Variants in GLG1 observed in about 807,000 individuals in gnomAD.
GLG1 encodes the protein Golgi apparatus protein 1.
Under a neutral mutation model 160.5 loss-of-function variants are expected in GLG1, and 38 were observed. The ratio of observed to expected loss-of-function variants is 0.24; its 90% CI spans 0.18 to 0.31. The LOEUF is 0.31. Among genes scored for constraint, GLG1 ranks in the 10% least tolerant of loss-of-function variants. The pLI is 1.00. For missense variants in GLG1, 1,373 were observed against 1,505.2 expected (o/e 0.91, Z 1.45); for synonymous variants, 644 against 543.4 (o/e 1.19, Z -2.57).
intron 7 of GLG1, 76 bp downstream of exon 7, chr16:74,492,881 T>G: frequency 2.5e-6 from 2 of 787,122 alleles, no homozygotes; most frequent in Non-Finnish European, 3.7e-6. Context: ...AAACTAACGT[T>G]TATATATATA....
At position 74,604,762 on chromosome 16, in the gene GLG1, G is replaced by T. The variant is rs9929763; in HGVS notation, c.438+1895C>A. On this transcript the variant is annotated intron_variant, in intron 1 of 25. Coordinates refer to ENST00000422840, the MANE Select transcript of GLG1 (RefSeq NM_001145667.2). ...TCCTTTCGCTGTCTTTAAAGAAAAAGAAAATAGGGTGGGGGTGGTGGCTCA... is the reference window on the plus strand; with the variant it reads ...TCCTTTCGCTGTCTTTAAAGAAAAATAAAATAGGGTGGGGGTGGTGGCTCA... Among the ~76,000 whole-genome samples, 1,354 of 152,046 alleles carry T rather than the reference G, an allele frequency of 8.9e-3. 13 individuals are homozygous for T. Among genetic ancestry groups the T allele is most frequent in the African/African-American group, 0.03 (1,234 of 41,488 alleles).
intron 1 of GLG1, among the ~76,000 whole-genome samples, chr16:74,538,440 C>CG (rs1161896492): frequency 9.2e-5 from 14 of 152,160 alleles, no homozygotes; most frequent in Admixed American, 3.3e-4. Flanking sequence ...CTTTTACCCC[C>CG]GGGAAACTCT....
At chr16:74,503,293 A>C (rs750704753) in intron 4 of GLG1, among the ~76,000 whole-genome samples, 16 of 152,108 alleles carry the variant, frequency 1.1e-4, no homozygotes, top group Non-Finnish European at 2.2e-4. Flanking sequence ...TTGTGAAGAT[A>C]ACACCACTCT....
chr16:74,490,218 A>T (rs2015933646), intron 8 of GLG1, among the ~76,000 whole-genome samples: 1 of 152,188 alleles, frequency 6.6e-6, no homozygotes, highest in Non-Finnish European at 1.5e-5. Flanking sequence ...GATGTACTAA[A>T]TCTCTAATAC....
chr16:74,543,660 G>C (rs949316690), intron 1 of GLG1, among the ~76,000 whole-genome samples: 2 of 152,074 alleles, frequency 1.3e-5, no homozygotes, highest in Non-Finnish European at 2.9e-5. Context: ...ATTATAGTTT[G>C]GGAAATACTG....
chr16:74,604,983 T>G (rs371856331), intron 1 of GLG1, among the ~76,000 whole-genome samples: 1 of 151,942 alleles, frequency 6.6e-6, no homozygotes, highest in Non-Finnish European at 1.5e-5. Flanking sequence ...GAGGTGGAGG[T>G]TGCAGTGAGC....
intron 12 of GLG1, among the ~76,000 whole-genome samples, chr16:74,477,166 A>G (rs2015413441): frequency 6.6e-6 from 1 of 152,192 alleles, no homozygotes; most frequent in Non-Finnish European, 1.5e-5. Context: ...AATCAATTAC[A>G]AAATACAATA....
In GLG1 at chr16:74,515,462, C is replaced by A. The variant is rs562206942; in HGVS notation, c.472-6537G>T. Among the ~76,000 whole-genome samples the A allele has an allele frequency of 9.9e-4, 151 of 152,276 alleles. 1 individual carries two copies. The highest frequency in any genetic ancestry group is 3.6e-3 in the African/African-American group (148 of 41,550). The stretch of plus-strand genomic sequence containing the variant: ...ACAAACTGTCTCTCAGACCACAGTG[C>A]AATCAAAGTAGAACTCAGGATTAAA... On this transcript the variant is annotated intron_variant, in intron 2 of 25. Coordinates refer to ENST00000422840, the MANE Select transcript of GLG1 (RefSeq NM_001145667.2).
Position 74,503,764 on chromosome 16 carries a change from G to C in GLG1, c.559-18C>G. The C allele has an allele frequency of 6.6e-7, 1 of 1,519,442 alleles. No individual in the cohort carries two copies. The allele number at this position is 1,519,442 out of a possible 1,614,324, so 94.1% of individuals were successfully genotyped here. A position where few individuals can be genotyped will look rare whatever the true frequency, so the allele number is the denominator to read the frequency against. On this transcript the variant is annotated intron_variant, in intron 3 of 25. Transcript: ENST00000422840. ...TCTTTAATCTGCTCAAAATAAAGTA[G>C]CTGTTTTACAAAAGTGTTCCATGCT...
chr16:74,591,615 A>G (rs1198032074), intron 1 of GLG1, among the ~76,000 whole-genome samples: 2 of 152,130 alleles, frequency 1.3e-5, no homozygotes, highest in East Asian at 3.9e-4. Context: ...GAGACAGAGC[A>G]AGACTCTGTC....
chr16:74,469,051 C>G lies in GLG1; in HGVS notation c.2331G>C (p.Val777=), dbSNP rs778670610. The change falls in exon 17 of 26, where the codon GTG becomes GTC. Residue 777 remains valine (V), a synonymous_variant. Transcript: ENST00000422840. ...TGCGCACGGTCGTGCTCAGGCAGAT[C>G]ACCACGTCCACCCTGCAGACGAAAG... The part of the protein sequence containing the change: ...CPNIKKKVDV[V]ICLSTTVRND... 1.2e-6 allele frequency: 2 copies of G among 1,612,888 alleles called. No individual in the cohort carries two copies. Among genetic ancestry groups the G allele is most frequent in the East Asian group, 2.2e-5 (1 of 44,876 alleles).
At chr16:74,588,717 C>G (rs1314737918) in intron 1 of GLG1, among the ~76,000 whole-genome samples, 1 of 152,062 alleles carries the variant, frequency 6.6e-6, no homozygotes, top group African/African-American at 2.4e-5. Flanking sequence ...CCACACTTGG[C>G]CTGTTCTTAA....
At chr16:74,493,909 C>T (rs1179941112) in intron 6 of GLG1, among the ~76,000 whole-genome samples, 2 of 151,820 alleles carry the variant, frequency 1.3e-5, no homozygotes, top group Non-Finnish European at 2.9e-5. Context: ...TATATAAAAT[C>T]ACACTGAGGA....
At chr16:74,601,001 G>C (rs1285331030) in intron 1 of GLG1, among the ~76,000 whole-genome samples, 1 of 152,116 alleles carries the variant, frequency 6.6e-6, no homozygotes, top group Admixed American at 6.6e-5. Flanking sequence ...TATAATAGAA[G>C]ATCAATAATG....
chr16:74,491,603 A>G (rs1419648076), intron 7 of GLG1, among the ~76,000 whole-genome samples: 1 of 150,524 alleles, frequency 6.6e-6, no homozygotes, highest in Non-Finnish European at 1.5e-5. Context: ...AGCTCCCCCA[A>G]CTTCTTTGAG....
intron 3 of GLG1, among the ~76,000 whole-genome samples, chr16:74,505,424 T>G (rs2016560044): frequency 6.6e-6 from 1 of 152,142 alleles, no homozygotes; most frequent in Non-Finnish European, 1.5e-5. Flanking sequence ...TTGTGATGCC[T>G]AAAAGAGGGC....
chr16:74,532,737 A>G (rs2017578843), intron 1 of GLG1, among the ~76,000 whole-genome samples: 1 of 152,048 alleles, frequency 6.6e-6, no homozygotes, highest in Non-Finnish European at 1.5e-5. Context: ...TATGTTGCCC[A>G]GGCTGGTGTA....
rs758076288 is a variant in GLG1 at position 74,606,841 on chromosome 16, G to A, written c.254C>T (p.Pro85Leu). Reference protein sequence around the residue: ...QQQQQQQQQQPQPPQPPFPAG... With the variant: ...QQQQQQQQQQLQPPQPPFPAG... ...CGGGAAAGGCGGCTGCGGCGGCTGA[G>A]GCTGCTGTTGCTGTTGCTGCTGCTG... is the stretch of plus-strand genomic sequence containing the variant. The change falls in exon 1 of 26, where the codon CCT (proline) becomes CTT (leucine). Residue 85 changes from proline to leucine, a missense_variant. Pro to Leu is a moderately conservative substitution (Grantham distance 98). Transcript: ENST00000422840. 1 of 1,599,244 alleles carries A rather than the reference G, an allele frequency of 6.3e-7. No homozygotes were observed.
At chr16:74,576,950 G>A (rs1354661929) in intron 1 of GLG1, among the ~76,000 whole-genome samples, 3 of 149,468 alleles carry the variant, frequency 2.0e-5, no homozygotes, top group Non-Finnish European at 1.5e-5. Context: ...TTTAGAGGCA[G>A]GGTGAATGTC....
Sources: gnomAD v4.1 joint callset for allele counts (sites outside exome capture counted in the v4.1 genomes callset) on GRCh38, gnomAD v4.1.1 for gene constraint, MANE v1.5 for transcripts, NCBI Gene and HGNC (gene_info 2026-07-23, HGNC 2026-07-21) for gene names.